Variants in YPEL1 observed in about 807,000 individuals in gnomAD.
YPEL1 encodes the protein protein yippee-like 1.
In YPEL1, 7 loss-of-function variants were observed where a neutral mutation model predicts 17.3. The observed-to-expected ratio is 0.40, with a 90% CI of 0.23 to 0.76. The LOEUF (loss-of-function observed/expected upper bound fraction) is 0.76, where lower values mean the gene tolerates loss of function less well. Ranked by LOEUF, YPEL1 falls within the 30% of genes least tolerant of loss-of-function variation. The pLI, the probability that YPEL1 is intolerant of heterozygous loss-of-function variation, is 0.35. For synonymous variants in YPEL1, 59 were observed against 59.6 expected (o/e 0.99, Z 0.05); for missense variants, 91 against 155.5 (o/e 0.59, Z 2.21).
rs535058410 is a variant in YPEL1, at chr22:21,717,108, G to T, written c.-164-6200C>A. On this transcript the variant is annotated intron_variant, in intron 1 of 4. Transcript: ENST00000339468. Reference sequence around the variant, plus strand: ...AGGCCGGGCGCGCTGGCTCACGCCTGTAATCCCAGCACTTTGGGAGGCCGG... The same window carrying T: ...AGGCCGGGCGCGCTGGCTCACGCCTTTAATCCCAGCACTTTGGGAGGCCGG... Among the ~76,000 whole-genome samples, 4 of 143,488 alleles carry T rather than the reference G, an allele frequency of 2.8e-5. No individual in the cohort carries two copies. The South Asian group carries it at 1.0e-3, about 36-fold the overall frequency. 94.1% of individuals were successfully genotyped at this position (143,488 alleles called of 152,430 possible).
Position 21,704,271 on chromosome 22 carries a change from C to T in YPEL1, c.118-389G>A, listed in dbSNP as rs998501186. 25 of 696,598 alleles carry T rather than the reference C, an allele frequency of 3.6e-5. No individual in the cohort carries two copies. In the African/African-American group the frequency reaches 4.0e-4, roughly 11 times the overall value. 43.2% of individuals were successfully genotyped at this position (696,598 alleles called of 1,614,324 possible). A position where few individuals can be genotyped will look rare whatever the true frequency, so the allele number is the denominator to read the frequency against. Reference sequence around the variant, plus strand: ...ACAGATCCTCAAAATGCTCTCCTCGCCGCCTCTTCTGCAGCAGTTCAGATG... The same window carrying T: ...ACAGATCCTCAAAATGCTCTCCTCGTCGCCTCTTCTGCAGCAGTTCAGATG... On this transcript the variant is annotated intron_variant, in intron 2 of 4. Transcript: ENST00000339468.
chr22:21,727,524 G>A (rs1870655522), intron 1 of YPEL1, among the ~76,000 whole-genome samples: 1 of 152,048 alleles, frequency 6.6e-6, no homozygotes, highest in African/African-American at 2.4e-5. Context: ...ATTAATGTGG[G>A]GTATGTTTTT....
intron 1 of YPEL1, among the ~76,000 whole-genome samples, chr22:21,718,152 AAAC>A (rs771000109): frequency 6.0e-5 from 9 of 150,268 alleles, no homozygotes; most frequent in African/African-American, 1.2e-4. Flanking sequence ...AACAAAAACA[AAAC>A]AACAACAACA....
chr22:21,710,444 A>G lies in YPEL1; in HGVS notation c.117+184T>C, dbSNP rs1010816521. The G allele has an allele frequency of 1.3e-5, 8 of 622,458 alleles. No individual in the cohort carries two copies. In the African/African-American group the frequency reaches 1.5e-4, roughly 11 times the overall value. The allele number at this position is 622,458 out of a possible 1,614,324, so 38.6% of individuals were successfully genotyped here. ...GCCCACCATGCCAGGATCACATCTG[A>G]GATCGTGGCACAGCCACACTTAACC... On this transcript the variant is annotated intron_variant, in intron 2 of 4. Coordinates refer to ENST00000339468, the MANE Select transcript of YPEL1 (RefSeq NM_013313.5).
chr22:21,728,229 G>A (rs1439149988), intron 1 of YPEL1, among the ~76,000 whole-genome samples: 2 of 152,004 alleles, frequency 1.3e-5, no homozygotes, highest in Non-Finnish European at 2.9e-5. Context: ...GCTCCCACTC[G>A]GCCACCCCTT....
intron 1 of YPEL1, among the ~76,000 whole-genome samples, chr22:21,715,840 C>T (rs28380208): frequency 8.7e-6 from 1 of 115,294 alleles, no homozygotes; most frequent in Admixed American, 8.6e-5. Flanking sequence ...CTTGGCTCAC[C>T]ACAACCTCCA....
At position 21,710,735 on chromosome 22, in the gene YPEL1, T is replaced by C. The variant is rs1434477132; in HGVS notation, c.10A>G (p.Met4Val). Reference protein sequence around the residue: MVKMTKSKTFQAYL... With the variant: MVKVTKSKTFQAYL... The stretch of plus-strand genomic sequence containing the variant: ...GCTTGGAAAGTTTTGGACTTTGTCA[T>C]TTTCACCATCTCTCCTGGGCACTCC... Residue 4 changes from methionine to valine, a missense_variant, in exon 2 of 5, where the codon ATG (methionine) becomes GTG (valine). By Grantham distance (21) the Met-to-Val change is conservative (BLOSUM62 1). Coordinates refer to ENST00000339468, the MANE Select transcript of YPEL1 (RefSeq NM_013313.5). 3 of 1,614,014 alleles carry C rather than the reference T, an allele frequency of 1.9e-6. No individual in the cohort carries two copies. The highest frequency in any genetic ancestry group is 2.5e-6 in the Non-Finnish European group (3 of 1,179,976).
chr22:21,722,145 G>A (rs969992778), intron 1 of YPEL1, among the ~76,000 whole-genome samples: 13 of 152,130 alleles, frequency 8.5e-5, no homozygotes, highest in East Asian at 3.9e-4. Flanking sequence ...TTTGGCCAGC[G>A]CGGTGGCTCA....
At position 21,703,985 on chromosome 22, in the gene YPEL1, CG is replaced by C; in HGVS notation, c.118-104del. On this transcript the variant is annotated intron_variant, in intron 2 of 4. Coordinates refer to ENST00000339468, the MANE Select transcript of YPEL1 (RefSeq NM_013313.5). The surrounding 1 kb of genome is among the most constrained non-coding windows in gnomAD (Gnocchi z 6.1). ...CCAGCCCCGCGGCTGTTAGCTGCGC[CG>C]GGACGCGTCACCGGGAGCAGACACC... The C allele has an allele frequency of 7.7e-7, 1 of 1,304,034 alleles. No homozygotes were observed. The highest frequency in any genetic ancestry group is 1.3e-5 in the South Asian group (1 of 79,176). 80.8% of individuals were successfully genotyped at this position (1,304,034 alleles called of 1,614,324 possible).
In YPEL1 at chr22:21,724,587, TG is replaced by T. The variant is rs1465789731; in HGVS notation, c.-165+11027del. Among the ~76,000 whole-genome samples the T allele has an allele frequency of 5.6e-3, 650 of 116,940 alleles. 2 individuals carry two copies. The highest frequency in any genetic ancestry group is 0.017 in the African/African-American group (526 of 31,582). 76.7% of individuals were successfully genotyped at this position (116,940 alleles called of 152,430 possible). A position where few individuals can be genotyped will look rare whatever the true frequency, so the allele number is the denominator to read the frequency against. On this transcript the variant is annotated intron_variant, in intron 1 of 4. Coordinates refer to ENST00000339468, the MANE Select transcript of YPEL1 (RefSeq NM_013313.5). ...AAATTTTTTTCTTTTTTTTTTTTTTTGTTTTTGTTTTGAGACAGGGTCTCAC... is the reference window on the plus strand; with the variant it reads ...AAATTTTTTTCTTTTTTTTTTTTTTTTTTTTGTTTTGAGACAGGGTCTCAC...
chr22:21,728,571 G>A (rs1374841302), intron 1 of YPEL1, among the ~76,000 whole-genome samples: 2 of 152,190 alleles, frequency 1.3e-5, no homozygotes, highest in African/African-American at 2.4e-5. Context: ...ACCCAAGGTT[G>A]CACAGCCAGT....
intron 1 of YPEL1, 85 bp from the exon 2 acceptor site, chr22:21,710,993 C>A (rs2068159494): frequency 1.1e-5 from 5 of 459,486 alleles, no homozygotes; most frequent in East Asian, 3.7e-5. Context: ...TGTTGTGAAG[C>A]AACACGCGGG....
At chr22:21,728,137 T>G (rs890618713) in intron 1 of YPEL1, among the ~76,000 whole-genome samples, 1 of 152,122 alleles carries the variant, frequency 6.6e-6, no homozygotes, top group African/African-American at 2.4e-5. Context: ...ATGGTCCACC[T>G]CTTTAGGGAG....
intron 1 of YPEL1, among the ~76,000 whole-genome samples, chr22:21,732,478 A>T (rs1000424062): frequency 2.0e-5 from 3 of 152,206 alleles, no homozygotes; most frequent in African/African-American, 7.2e-5. Context: ...CATGGAGACA[A>T]ATATGTTAAA....
intron 2 of YPEL1, among the ~76,000 whole-genome samples, chr22:21,708,730 G>A (rs1158110289): frequency 5.5e-5 from 8 of 145,802 alleles, no homozygotes; most frequent in African/African-American, 1.8e-4. Flanking sequence ...GCAATGGCGC[G>A]ATCTCGACTC....
At position 21,735,744 on chromosome 22, in the gene YPEL1, C is replaced by G. The variant is rs1401580153; in HGVS notation, c.-294G>C. On this transcript the variant is annotated 5_prime_UTR_variant, in exon 1 of 5. Coordinates refer to ENST00000339468, the MANE Select transcript of YPEL1 (RefSeq NM_013313.5). ...TGAGGCCGTTAACGCCTAGGCAGGG[C>G]GCGAGGCATCCTCCCGCCGCCGCCC... The G allele has an allele frequency of 6.6e-6, 1 of 150,864 alleles. No homozygotes were observed. Among genetic ancestry groups the G allele is most frequent in the Non-Finnish European group, 1.5e-5 (1 of 67,630 alleles). 9.3% of individuals were successfully genotyped at this position (150,864 alleles called of 1,614,324 possible).
chr22:21,726,410 G>C (rs1234634940), intron 1 of YPEL1, among the ~76,000 whole-genome samples: 3 of 152,194 alleles, frequency 2.0e-5, no homozygotes. Context: ...ACAACATCCT[G>C]AGAAATAGGC....
chr22:21,715,750 CTTTTT>C (rs2068216100), intron 1 of YPEL1, among the ~76,000 whole-genome samples: 1 of 78,412 alleles, frequency 1.3e-5, no homozygotes, highest in African/African-American at 4.7e-5. Flanking sequence ...CCTAATTTTT[CTTTTT>C]CTTTTCTTTT....
intron 1 of YPEL1, among the ~76,000 whole-genome samples, chr22:21,716,254 A>C (rs7286932): frequency 0.25 from 38,255 of 150,260 alleles, 3,585 homozygotes; most frequent in Non-Finnish European, 0.3. Flanking sequence ...ATTTCATAGA[A>C]ACCAACTTTT....
Sources: gnomAD v4.1 joint callset for allele counts (sites outside exome capture counted in the v4.1 genomes callset) on GRCh38, gnomAD v4.1.1 for gene constraint, Gnocchi (gnomAD v3.1) non-coding constraint, MANE v1.5 for transcripts, NCBI Gene and HGNC (gene_info 2026-07-23, HGNC 2026-07-21) for gene names.